The following CFAP96 variants were observed in gnomAD, a reference collection of about 807,000 sequenced individuals.
CFAP96 encodes cilia-and flagella-associated protein 96.
At chr4:185,445,039 A>G in the CFAP96 span, 1 of 1,551,654 alleles carries the variant, frequency 6.4e-7, no homozygotes, top group Non-Finnish European at 8.7e-7. Context: ...TAAATTGGCA[A>G]ATATTTCTGG....
chr4:185,432,108 T>G, the CFAP96 span: 16 of 1,551,742 alleles, frequency 1.0e-5, no homozygotes, highest in Non-Finnish European at 1.4e-5. Context: ...GAAGGCTACA[T>G]AAATCTGAAT....
chr4:185,435,897 CTG>C, the CFAP96 span: 2 of 576,946 alleles, frequency 3.5e-6, no homozygotes, highest in Admixed American at 3.7e-5. Context: ...ATGTCAAAAT[CTG>C]TGACTGAAGA....
chr4:185,440,771 T>C, the CFAP96 span: 1 of 64,826 alleles, frequency 1.5e-5, no homozygotes, highest in Non-Finnish European at 2.3e-5. Context: ...AGAAATACTG[T>C]CTCTTGCTAT....
the CFAP96 span, among the ~76,000 whole-genome samples, chr4:185,411,941 T>C: frequency 6.6e-6 from 1 of 152,232 alleles, no homozygotes; most frequent in African/African-American, 2.4e-5. Context: ...GAGATTGATA[T>C]GTAACATATA....
At chr4:185,432,182 A>C in the CFAP96 span, 1 of 1,551,410 alleles carries the variant, frequency 6.4e-7, no homozygotes, top group Non-Finnish European at 8.7e-7. Flanking sequence ...ATTCCTCCCT[A>C]GTAATGGAGA....
chr4:185,443,944 T>C, the CFAP96 span, among the ~76,000 whole-genome samples: 1,125 of 75,514 alleles, frequency 0.015, 64 homozygotes, highest in African/African-American at 0.057. Context: ...TTTTTTTTTT[T>C]TTTTTTTTTT....
the CFAP96 span, chr4:185,422,603 CA>C: frequency 7.5e-7 from 1 of 1,337,716 alleles, no homozygotes; most frequent in Non-Finnish European, 1.0e-6. Flanking sequence ...CCTTGTAAAA[CA>C]AAACAAACTC....
At chr4:185,429,352 G>T in the CFAP96 span, 1 of 962,022 alleles carries the variant, frequency 1.0e-6, no homozygotes. Flanking sequence ...TATAAAACAC[G>T]TGACCCTAGG....
the CFAP96 span, among the ~76,000 whole-genome samples, chr4:185,449,258 C>T: frequency 2.0e-5 from 3 of 152,068 alleles, no homozygotes; most frequent in East Asian, 1.9e-4. Flanking sequence ...CGTGTTGGCT[C>T]GTGTGTAATC....
At chr4:185,425,136 A>G in the CFAP96 span, among the ~76,000 whole-genome samples, 1 of 152,194 alleles carries the variant, frequency 6.6e-6, no homozygotes, top group African/African-American at 2.4e-5. Flanking sequence ...GGACTTGATT[A>G]TTGACTGCAT....
the CFAP96 span, among the ~76,000 whole-genome samples, chr4:185,430,719 A>G: frequency 1.1e-4 from 16 of 151,780 alleles, no homozygotes; most frequent in Admixed American, 1.0e-3. Context: ...CCTGGACAAC[A>G]TAGTGAGACC....
chr4:185,432,520 TATC>T, the CFAP96 span, among the ~76,000 whole-genome samples: 1 of 152,164 alleles, frequency 6.6e-6, no homozygotes, highest in Non-Finnish European at 1.5e-5. Flanking sequence ...TGCCTTGAAT[TATC>T]ATGTCTATGC....
the CFAP96 span, chr4:185,415,161 A>G: frequency 6.3e-6 from 10 of 1,592,752 alleles, no homozygotes; most frequent in Non-Finnish European, 8.5e-6. Context: ...TTACCTTCCT[A>G]TAGGCCTGCA....
At chr4:185,412,656 G>A in the CFAP96 span, among the ~76,000 whole-genome samples, 1 of 152,252 alleles carries the variant, frequency 6.6e-6, no homozygotes, top group African/African-American at 2.4e-5. Flanking sequence ...AAACAGTGAG[G>A]ATACAGAGGG....
At chr4:185,449,608 A>G in the CFAP96 span, 4 of 1,543,850 alleles carry the variant, frequency 2.6e-6, no homozygotes, top group South Asian at 1.2e-5. Context: ...CACTAAATTC[A>G]AAGAACTACA....
At chr4:185,444,565 CATT>C in the CFAP96 span, among the ~76,000 whole-genome samples, 26 of 39,604 alleles carry the variant, frequency 6.6e-4, no homozygotes, top group Non-Finnish European at 2.0e-3. Flanking sequence ...TCTTCTCCAT[CATT>C]GACTGGCATT....
the CFAP96 span, chr4:185,440,765 A>G: frequency 6.2e-3 from 1,430 of 229,176 alleles, 200 homozygotes; most frequent in African/African-American, 0.026. Context: ...TTATAAAGAA[A>G]TACTGTCTCT....
the CFAP96 span, among the ~76,000 whole-genome samples, chr4:185,435,631 CTGT>C: frequency 6.6e-6 from 1 of 152,162 alleles, no homozygotes; most frequent in Non-Finnish European, 1.5e-5. Context: ...GAGTCACTTT[CTGT>C]CAGTAGTGGA....
At chr4:185,423,597 A>G in the CFAP96 span, among the ~76,000 whole-genome samples, 1 of 152,232 alleles carries the variant, frequency 6.6e-6, no homozygotes, top group Non-Finnish European at 1.5e-5. Flanking sequence ...GCCATAAAAA[A>G]ATCATGTTTT....
Sources: allele counts gnomAD v4.1 joint callset (sites outside exome capture counted in the v4.1 genomes callset), GRCh38; gene constraint gnomAD v4.1.1; transcripts MANE v1.5; gene names NCBI Gene and HGNC (gene_info 2026-07-23, HGNC 2026-07-21).